The following NUP107 variants were observed in gnomAD, a reference collection of about 807,000 sequenced individuals.
NUP107 encodes the protein nuclear pore complex protein Nup107.
NUP107 carries 101 observed loss-of-function variants against 141.0 expected under a neutral mutation model. The ratio of observed to expected loss-of-function variants is 0.72; its 90% CI spans 0.61 to 0.84. The LOEUF is 0.84. NUP107 is among the 40% of genes least tolerant of loss of function. The pLI is 0.00. For missense variants in NUP107, 941 were observed against 1,102.7 expected, an observed-to-expected ratio of 0.85 and a Z score of 2.08; for synonymous variants, 319 against 363.9, an observed-to-expected ratio of 0.88 and a Z score of 1.41.
chr12:68,690,119 G>A (rs1367042066), intron 3 of NUP107, among the ~76,000 whole-genome samples: 2 of 151,506 alleles, frequency 1.3e-5, no homozygotes, highest in African/African-American at 4.9e-5. Flanking sequence ...GGCAGAGGTT[G>A]CAGTGAGCTG....
intron 12 of NUP107, among the ~76,000 whole-genome samples, chr12:68,717,046 C>T (rs920285640): frequency 2.0e-5 from 3 of 151,976 alleles, no homozygotes; most frequent in South Asian, 2.1e-4. Flanking sequence ...TACAGGCACA[C>T]GCCTCCACGC....
At chr12:68,690,541 A>C in intron 3 of NUP107, 90 bp from the exon 4 acceptor site, 1 of 1,545,196 alleles carries the variant, frequency 6.5e-7, no homozygotes, top group Non-Finnish European at 8.8e-7. Flanking sequence ...AAAACTGAAA[A>C]ATTTATTCTT....
Position 68,732,585 on chromosome 12 carries a change from TA to T in NUP107, c.1999-42del, listed in dbSNP as rs796292951. 1.1e-3 allele frequency: 1,089 copies of T among 971,372 alleles called. 1 individual carries two copies. The highest frequency in any genetic ancestry group is 1.4e-3 in the Admixed American group (54 of 38,848). The allele number at this position is 971,372 out of a possible 1,614,324, so 60.2% of individuals were successfully genotyped here. On this transcript the variant is annotated intron_variant, in intron 22 of 27. Transcript: ENST00000229179. The stretch of plus-strand genomic sequence containing the variant: ...ATTCTACTAATTTGTAGAATATCTT[TA>T]AAAAAAAAACTCTGATATTCCTTTT...
At chr12:68,692,510 C>G (rs910361803) in intron 5 of NUP107, among the ~76,000 whole-genome samples, 1 of 150,836 alleles carries the variant, frequency 6.6e-6, no homozygotes, top group Non-Finnish European at 1.5e-5. Context: ...ACCCGGGAGG[C>G]AGAGTTTGCA....
chr12:68,701,646 T>G (rs1050161034), intron 7 of NUP107, among the ~76,000 whole-genome samples: 12 of 151,754 alleles, frequency 7.9e-5, no homozygotes, highest in African/African-American at 2.7e-4. Flanking sequence ...GCTACTGCAC[T>G]CCAGCCTGGG....
Position 68,699,140 on chromosome 12 carries a change from A to T in NUP107, c.553-1586A>T, listed in dbSNP as rs1050802237. Among the ~76,000 whole-genome samples, 4 of 152,126 alleles carry T rather than the reference A, an allele frequency of 2.6e-5. No individual in the cohort carries two copies. In the East Asian group the frequency reaches 7.7e-4, roughly 29 times the overall value. The stretch of plus-strand genomic sequence containing the variant: ...AATCTCAGCACTTTGGGAGGCCAAG[A>T]CAGGTAGATTACCTTAGGTCAGGAG... On this transcript the variant is annotated intron_variant, in intron 6 of 27. Coordinates refer to ENST00000229179, the MANE Select transcript of NUP107 (RefSeq NM_020401.4).
chr12:68,700,396 AT>A (rs2136006880), intron 6 of NUP107, among the ~76,000 whole-genome samples: 1 of 152,212 alleles, frequency 6.6e-6, no homozygotes, highest in East Asian at 1.9e-4. Flanking sequence ...TTATGTTATG[AT>A]TTTTCCAGGT....
intron 18 of NUP107, among the ~76,000 whole-genome samples, 161 bp from the exon 19 acceptor site, chr12:68,726,338 C>G (rs2136038108): frequency 6.6e-6 from 1 of 152,276 alleles, no homozygotes; most frequent in African/African-American, 2.4e-5. Flanking sequence ...GGATTGAACC[C>G]AAACTCTGTT....
At chr12:68,735,196 A>T (rs1366017092) in intron 25 of NUP107, 35 bp from the exon 26 acceptor site, 12 of 1,304,112 alleles carry the variant, frequency 9.2e-6, no homozygotes, top group African/African-American at 1.5e-5. Context: ...ATTGGGTTTT[A>T]TCCATTATAT....
chr12:68,716,525 C>G (rs188989963), intron 12 of NUP107, among the ~76,000 whole-genome samples: 32 of 152,296 alleles, frequency 2.1e-4, no homozygotes, highest in African/African-American at 6.7e-4. Flanking sequence ...GCCACTGCAC[C>G]TGACCCAATC....
At chr12:68,708,289 G>T (rs11608544) in intron 8 of NUP107, among the ~76,000 whole-genome samples, 30,045 of 151,862 alleles carry the variant, frequency 0.2, 3,775 homozygotes, top group South Asian at 0.48. Flanking sequence ...AAATGGCAAG[G>T]TAAAATTTAT....
At chr12:68,726,689 C>CT (rs963898975) in intron 19 of NUP107, 72 bp downstream of exon 19, 68 of 926,122 alleles carry the variant, frequency 7.3e-5, no homozygotes, top group Non-Finnish European at 1.1e-4. Context: ...GAAAACACTA[C>CT]TTTTTTTATT....
chr12:68,735,132 T>C (rs910129510), intron 25 of NUP107, 99 bp from the exon 26 acceptor site: 11 of 850,376 alleles, frequency 1.3e-5, no homozygotes, highest in Admixed American at 4.2e-5. Flanking sequence ...ATCAACTCTT[T>C]AGAATGATGT....
At chr12:68,704,335 CA>C (rs1184632792) in intron 8 of NUP107, among the ~76,000 whole-genome samples, 1 of 152,034 alleles carries the variant, frequency 6.6e-6, no homozygotes, top group Non-Finnish European at 1.5e-5. Flanking sequence ...GACTTATTTC[CA>C]AAATAAACCA....
chr12:68,701,544 T>C (rs538301757), intron 7 of NUP107, among the ~76,000 whole-genome samples: 1 of 152,000 alleles, frequency 6.6e-6, no homozygotes, highest in African/African-American at 2.4e-5. Flanking sequence ...TAGCCAGGCG[T>C]GGTGGTGGGC....
At chr12:68,688,717 A>G (rs1399091517) in intron 1 of NUP107, among the ~76,000 whole-genome samples, 3 of 152,202 alleles carry the variant, frequency 2.0e-5, no homozygotes, top group Non-Finnish European at 4.4e-5. Context: ...TCCTTAGGAG[A>G]AAATAACATA....
intron 20 of NUP107, among the ~76,000 whole-genome samples, chr12:68,728,492 C>T (rs371597044): frequency 2.6e-4 from 37 of 140,272 alleles, no homozygotes; most frequent in Middle Eastern, 8.7e-3. Context: ...GGCACCATCT[C>T]GGCTTACTGC....
At chr12:68,695,791 C>G (rs192411293) in intron 5 of NUP107, among the ~76,000 whole-genome samples, 35 of 152,178 alleles carry the variant, frequency 2.3e-4, no homozygotes, top group Admixed American at 3.3e-4. Flanking sequence ...GCCTTTAATC[C>G]TACCACTTTG....
At chr12:68,705,362 TGTTA>T (rs1314309478) in intron 8 of NUP107, among the ~76,000 whole-genome samples, 3 of 152,052 alleles carry the variant, frequency 2.0e-5, no homozygotes, top group African/African-American at 4.8e-5. Flanking sequence ...GGTTTTATTA[TGTTA>T]GTTAGACTTT....
Sources: gnomAD v4.1 joint callset for allele counts (sites outside exome capture counted in the v4.1 genomes callset) on GRCh38, gnomAD v4.1.1 for gene constraint, MANE v1.5 for transcripts, NCBI Gene and HGNC (gene_info 2026-07-23, HGNC 2026-07-21) for gene names.